NTM: variants seen among roughly 807,000 people sequenced by gnomAD.
NTM encodes the protein neurotrimin.
Under a neutral mutation model 42.1 loss-of-function variants are expected in NTM, and 13 were observed. The ratio of observed to expected loss-of-function variants is 0.31; its 90% confidence interval spans 0.20 to 0.49. The LOEUF (loss-of-function observed/expected upper bound fraction) is 0.49, where lower values mean the gene tolerates loss of function less well. Ranked by LOEUF, NTM falls within the 20% of genes least tolerant of loss-of-function variation. The pLI is 0.99. For synonymous variants in NTM, 187 were observed against 179.2 expected, an observed-to-expected ratio of 1.04 and a Z score of -0.35; for missense variants, 373 against 452.8, an observed-to-expected ratio of 0.82 and a Z score of 1.60.
chr11:131,899,582 G>C (rs2052816186), intron 1 of NTM, among the ~76,000 whole-genome samples: 1 of 152,132 alleles, frequency 6.6e-6, no homozygotes, highest in South Asian at 2.1e-4. Flanking sequence ...TTGGACAGTG[G>C]CAATTTTACA....
At chr11:131,810,424 A>G (rs1031299201) in intron 1 of NTM, among the ~76,000 whole-genome samples, 3 of 152,198 alleles carry the variant, frequency 2.0e-5, no homozygotes, top group Admixed American at 6.5e-5. Context: ...TGCTCCTTCC[A>G]GATGGGTCTG....
intron 1 of NTM, among the ~76,000 whole-genome samples, chr11:131,553,725 T>C (rs1247372718): frequency 6.6e-6 from 1 of 152,238 alleles, no homozygotes; most frequent in Admixed American, 6.5e-5. Context: ...CCCGTCTATA[T>C]AATTTTATTT....
At chr11:131,504,277 A>G (rs189656747) in intron 1 of NTM, among the ~76,000 whole-genome samples, 166 of 152,238 alleles carry the variant, frequency 1.1e-3, no homozygotes, top group African/African-American at 3.8e-3. Context: ...CTGACTTGCA[A>G]ATGCAGACCC....
intron 2 of NTM, among the ~76,000 whole-genome samples, chr11:132,011,002 G>A (rs988789463): frequency 7.3e-5 from 11 of 151,102 alleles, no homozygotes; most frequent in Admixed American, 2.0e-4. Flanking sequence ...TTTACATGTC[G>A]ATCTCGTATG....
intron 1 of NTM, among the ~76,000 whole-genome samples, chr11:131,704,053 T>C (rs921161100): frequency 2.0e-5 from 3 of 147,880 alleles, no homozygotes; most frequent in African/African-American, 5.1e-5. Context: ...GGTTCCAGGC[T>C]CTAGGCCAGC....
chr11:132,085,095 C>T (rs1311638149), intron 2 of NTM, among the ~76,000 whole-genome samples: 2 of 152,116 alleles, frequency 1.3e-5, no homozygotes, highest in African/African-American at 4.8e-5. Context: ...TTTTAGAAAC[C>T]TTCTATAACT....
chr11:131,834,636 A>ATATATATG (rs2043255930), intron 1 of NTM, among the ~76,000 whole-genome samples: 1 of 146,982 alleles, frequency 6.8e-6, no homozygotes, highest in South Asian at 2.1e-4. Flanking sequence ...ATATATATAT[A>ATATATATG]TATATATATG....
rs1028365285 is a variant in NTM, at chr11:132,031,001, G to GT, written c.168-115281_168-115280insT. On this transcript the variant is annotated intron_variant, in intron 2 of 8. Transcript: ENST00000683400. ...TGAGGAGCCAGCAGCTACTCACCCA[G>GT]ACCTGGTTGATGGAACACCAGGGCG... 1.2e-3 allele frequency among the ~76,000 whole-genome samples: 179 copies of GT among 152,288 alleles called. 1 individual carries two copies. The highest frequency in any genetic ancestry group is 4.0e-3 in the African/African-American group (165 of 41,560).
At chr11:132,104,932 C>CATATGTGTGTAT (rs2062108372) in intron 2 of NTM, among the ~76,000 whole-genome samples, 1 of 15,850 alleles carries the variant, frequency 6.3e-5, no homozygotes, top group African/African-American at 2.6e-4. Flanking sequence ...TCCATATATA[C>CATATGTGTGTAT]ATATGTATAT....
chr11:132,146,425 A>G lies in NTM; in HGVS notation c.311A>G (p.Asn104Ser). Residue 104 changes from asparagine (N) to serine (S), a missense_variant, in exon 3 of 9, where the codon AAC becomes AGC. This residue lies in a region of NTM where 312 missense variants were observed against 353.5 expected (regional missense o/e 0.88). Transcript: ENST00000683400. The surrounding 1 kb of genome is among the most constrained non-coding windows in gnomAD (Gnocchi z 4.5). ...ACGCAGTACAGCATCGAGATCCAGA[A>G]CGTGGATGTGTATGACGAGGGCCCT... ...TQTQYSIEIQ[N>S]VDVYDEGPYT... is the part of the protein sequence containing the mutation. 2 of 1,614,180 alleles carry G rather than the reference A, an allele frequency of 1.2e-6. No homozygotes were observed. Among genetic ancestry groups the G allele is most frequent in the Non-Finnish European group, 1.7e-6 (2 of 1,180,036 alleles).
intron 2 of NTM, among the ~76,000 whole-genome samples, chr11:132,133,175 A>G (rs1185074455): frequency 1.6e-4 from 24 of 152,160 alleles, no homozygotes; most frequent in Admixed American, 1.6e-3. Flanking sequence ...CACCATATTT[A>G]TACTCATTTG....
At chr11:131,825,878 T>G (rs1017045503) in intron 1 of NTM, among the ~76,000 whole-genome samples, 1 of 152,202 alleles carries the variant, frequency 6.6e-6, no homozygotes, top group Non-Finnish European at 1.5e-5. Flanking sequence ...ATAGTACCAT[T>G]TAAATATCCT....
chr11:132,097,982 C>T (rs2061218860), intron 2 of NTM, among the ~76,000 whole-genome samples: 1 of 152,142 alleles, frequency 6.6e-6, no homozygotes, highest in South Asian at 2.1e-4. Flanking sequence ...TGCTTTTGCC[C>T]AATTAAGGCA....
At chr11:131,445,530 G>A (rs1374990322) in intron 1 of NTM, among the ~76,000 whole-genome samples, 4 of 152,124 alleles carry the variant, frequency 2.6e-5, no homozygotes, top group Non-Finnish European at 5.9e-5. Flanking sequence ...GACCTTGTGG[G>A]GTGTGACAGA....
At chr11:131,685,019 G>C (rs1273516827) in intron 1 of NTM, among the ~76,000 whole-genome samples, 2 of 152,254 alleles carry the variant, frequency 1.3e-5, no homozygotes, top group East Asian at 3.8e-4. Flanking sequence ...GGCTGGGATA[G>C]GACCATCTAG....
Position 132,297,472 on chromosome 11 carries a change from A to C in NTM, c.527-10217A>C, listed in dbSNP as rs888170363. Among the ~76,000 whole-genome samples the C allele has an allele frequency of 1.3e-4, 20 of 152,342 alleles. No homozygotes were observed. In the South Asian group the frequency reaches 1.9e-3, roughly 14 times the overall value. On this transcript the variant is annotated intron_variant, in intron 4 of 8. Transcript: ENST00000683400. ...GCCAGTGGGCATGGGCCTCTGCAGG[A>C]ATGGGCAGAGCCCTGCATCCTCCGT...
At chr11:131,805,542 A>T (rs1386946600) in intron 1 of NTM, among the ~76,000 whole-genome samples, 1 of 152,232 alleles carries the variant, frequency 6.6e-6, no homozygotes, top group Non-Finnish European at 1.5e-5. Flanking sequence ...AATTTAAAAA[A>T]AGTTTGCCCT....
chr11:132,314,683 A>G lies in NTM; in HGVS notation c.914A>G (p.Asn305Ser). ...CVASNKLGHT[N>S]ASIMLFEVKT... ...GCCTCCAACAAGCTGGGCCACACCAATGCCAGCATCATGCTATTTGGTGAG... is the reference window on the plus strand; with the variant it reads ...GCCTCCAACAAGCTGGGCCACACCAGTGCCAGCATCATGCTATTTGGTGAG... The change falls in exon 7 of 9, where the codon AAT becomes AGT. Residue 305 changes from asparagine (N) to serine (S), a missense_variant. Transcript: ENST00000683400. 1 of 1,613,470 alleles carries G rather than the reference A, an allele frequency of 6.2e-7. No individual in the cohort carries two copies. Among genetic ancestry groups the G allele is most frequent in the South Asian group, 1.1e-5 (1 of 90,858 alleles).
intron 1 of NTM, among the ~76,000 whole-genome samples, chr11:131,583,522 C>G (rs1395105039): frequency 3.3e-5 from 5 of 152,182 alleles, no homozygotes; most frequent in Admixed American, 3.3e-4. Context: ...ATCACCCTGG[C>G]AAGTGTGCAA....
Sources: gnomAD v4.1 joint callset for allele counts (sites outside exome capture counted in the v4.1 genomes callset) on GRCh38, gnomAD v4.1.1 for gene constraint, gnomAD v4.1.1 regional missense constraint, Gnocchi (gnomAD v3.1) non-coding constraint, MANE v1.5 for transcripts, NCBI Gene and HGNC (gene_info 2026-07-23, HGNC 2026-07-21) for gene names.